MAGI2: variants seen among roughly 807,000 people sequenced by gnomAD.
MAGI2 encodes membrane associated guanylate kinase, WW and PDZ domain containing 2, also known as membrane-associated guanylate kinase, WW and PDZ domain-containing protein 2.
MAGI2 carries 35 observed loss-of-function variants against 133.3 expected under a neutral mutation model. That is an observed-to-expected ratio of 0.26 (90% CI 0.20 to 0.35). The LOEUF (loss-of-function observed/expected upper bound fraction) is 0.35. Among genes scored for constraint, MAGI2 ranks in the 10% least tolerant of loss-of-function variants. The pLI is 1.00. For synonymous variants in MAGI2, 729 were observed against 710.6 expected, an observed-to-expected ratio of 1.03 and a Z score of -0.41; for missense variants, 1,636 against 1,863.4, an observed-to-expected ratio of 0.88 and a Z score of 2.25.
intron 1 of MAGI2, among the ~76,000 whole-genome samples, chr7:79,354,824 C>G (rs1841917392): frequency 6.6e-6 from 1 of 152,156 alleles, no homozygotes; most frequent in African/African-American, 2.4e-5. Context: ...ATAGCTTACT[C>G]ATGGGGAGAA....
At chr7:78,249,363 T>C (rs2150932264) in intron 10 of MAGI2, among the ~76,000 whole-genome samples, 1 of 152,286 alleles carries the variant, frequency 6.6e-6, no homozygotes, top group East Asian at 1.9e-4. Context: ...ACTGGGTATA[T>C]ATCTGAAGAA....
chr7:79,153,794 T>TA (rs1823503755), intron 1 of MAGI2, among the ~76,000 whole-genome samples: 1 of 152,174 alleles, frequency 6.6e-6, no homozygotes, highest in Non-Finnish European at 1.5e-5. Flanking sequence ...CAGATGGGTT[T>TA]ATGCAAAGCA....
chr7:78,523,346 C>T (rs1796673048), intron 3 of MAGI2, among the ~76,000 whole-genome samples: 1 of 151,742 alleles, frequency 6.6e-6, no homozygotes, highest in Non-Finnish European at 1.5e-5. Context: ...GAGATAATTG[C>T]CCGACGCCCG....
At chr7:79,027,359 A>G (rs978621125) in intron 1 of MAGI2, among the ~76,000 whole-genome samples, 3 of 150,836 alleles carry the variant, frequency 2.0e-5, no homozygotes, top group African/African-American at 7.3e-5. Flanking sequence ...ATTAAATACA[A>G]TACCACCCAG....
intron 1 of MAGI2, among the ~76,000 whole-genome samples, chr7:79,307,049 T>A (rs76504239): frequency 0.031 from 4,792 of 152,220 alleles, 107 homozygotes; most frequent in African/African-American, 0.051. Context: ...CCAGGATGAA[T>A]TTATCCTGAA....
intron 2 of MAGI2, among the ~76,000 whole-genome samples, chr7:78,832,207 G>T (rs975781384): frequency 1.3e-5 from 2 of 151,240 alleles, no homozygotes; most frequent in African/African-American, 4.9e-5. Context: ...CTTACAGATA[G>T]AAATTCTAAG....
chr7:78,992,427 T>C (rs1805880356), intron 2 of MAGI2, among the ~76,000 whole-genome samples: 1 of 152,032 alleles, frequency 6.6e-6, no homozygotes, highest in Non-Finnish European at 1.5e-5. Flanking sequence ...ACATTTTTAA[T>C]CTCTTTAAAT....
chr7:78,649,242 A>AAAAAAAAAAAAAG, intron 2 of MAGI2, among the ~76,000 whole-genome samples: 1 of 149,550 alleles, frequency 6.7e-6, no homozygotes, highest in Non-Finnish European at 1.5e-5. Flanking sequence ...AAAAGAAAAA[A>AAAAAAAAAAAAAG]AAAGAAAAAA....
chr7:78,094,583 T>C (rs950257532), intron 20 of MAGI2, among the ~76,000 whole-genome samples: 25 of 152,198 alleles, frequency 1.6e-4, no homozygotes, highest in African/African-American at 5.6e-4. Context: ...ACAAAAACAA[T>C]TCCACTGGCC....
At chr7:79,214,449 G>GCA (rs1455909636) in intron 1 of MAGI2, among the ~76,000 whole-genome samples, 2 of 40,264 alleles carry the variant, frequency 5.0e-5, no homozygotes, top group African/African-American at 1.9e-4. Flanking sequence ...ATATAAATAT[G>GCA]CACACACACA....
At position 78,933,083 on chromosome 7, in the gene MAGI2, A is replaced by G. The variant is rs565832122; in HGVS notation, c.418+74007T>C. ...ACAAAAAGGCATGGATCAAAAAGGG[A>G]TATGTTTTTTGTTTGGGTTCCCAAT... On this transcript the variant is annotated intron_variant, in intron 2 of 21. Transcript: ENST00000354212. 6.8e-4 allele frequency among the ~76,000 whole-genome samples: 104 copies of G among 152,134 alleles called. 1 individual carries two copies. The highest frequency in any genetic ancestry group is 1.2e-3 in the Non-Finnish European group (79 of 67,968).
intron 10 of MAGI2, among the ~76,000 whole-genome samples, chr7:78,234,552 A>C (rs115356803): frequency 0.021 from 2,179 of 103,442 alleles, 56 homozygotes; most frequent in African/African-American, 0.057. Context: ...TATTCATTAT[A>C]ATATAATGAA....
At chr7:78,985,122 C>T (rs902128267) in intron 2 of MAGI2, among the ~76,000 whole-genome samples, 4 of 151,824 alleles carry the variant, frequency 2.6e-5, no homozygotes, top group African/African-American at 9.7e-5. Context: ...CTGCATTGGC[C>T]TCTCAAAGTG....
At chr7:78,795,437 A>G (rs1019547316) in intron 2 of MAGI2, among the ~76,000 whole-genome samples, 1 of 152,098 alleles carries the variant, frequency 6.6e-6, no homozygotes, top group African/African-American at 2.4e-5. Context: ...AGAAGAAATC[A>G]AGAAAGTAAT....
chr7:78,794,950 G>A lies in MAGI2; in HGVS notation c.419-167711C>T, dbSNP rs552330729. ...TCACTATGTTTGCCAGGCTGACCTTGAACTCTTGGGCTCAAGCGATTCTTC... is the reference window on the plus strand; with the variant it reads ...TCACTATGTTTGCCAGGCTGACCTTAAACTCTTGGGCTCAAGCGATTCTTC... On this transcript the variant is annotated intron_variant, in intron 2 of 21. Transcript: ENST00000354212. Among the ~76,000 whole-genome samples the A allele has an allele frequency of 3.3e-5, 5 of 152,198 alleles. No individual in the cohort carries two copies. In the East Asian group the frequency reaches 9.7e-4, roughly 29 times the overall value.
chr7:78,019,676 C>A lies in MAGI2; in HGVS notation c.4007G>T (p.Gly1336Val). Residue 1336 changes from glycine (G) to valine (V), a missense_variant, in exon 22 of 22, where the codon GGG (glycine) becomes GTG (valine). Physicochemically the swap from Gly to Val is moderately radical, Grantham distance 109. This residue lies in a region of MAGI2 where 354 missense variants were observed against 298.7 expected (regional missense o/e 1.19). Transcript: ENST00000354212. ...PRLEEAPGGQ[G>V]RPEAGRPASE... ...GGCGGGCCTGCCGGCCTCGGGCCGC[C>A]CCTGGCCGCCGGGCGCCTCCTCGAG... The A allele has an allele frequency of 6.9e-7, 1 of 1,441,106 alleles. No individual in the cohort carries two copies. Among genetic ancestry groups the A allele is most frequent in the South Asian group, 1.4e-5 (1 of 73,352 alleles). The allele number at this position is 1,441,106 out of a possible 1,614,324, so 89.3% of individuals were successfully genotyped here. A position where few individuals can be genotyped will look rare whatever the true frequency, so the allele number is the denominator to read the frequency against.
chr7:78,660,785 G>A (rs895921304), intron 2 of MAGI2, among the ~76,000 whole-genome samples: 1 of 152,070 alleles, frequency 6.6e-6, no homozygotes, highest in Non-Finnish European at 1.5e-5. Flanking sequence ...CACTGTAATT[G>A]TCTCTCTCCT....
At chr7:78,799,034 G>T (rs540296760) in intron 2 of MAGI2, among the ~76,000 whole-genome samples, 1 of 152,246 alleles carries the variant, frequency 6.6e-6, no homozygotes, top group Non-Finnish European at 1.5e-5. Context: ...TCAGTTTTGG[G>T]GCTATGAGAT....
chr7:78,958,789 G>T (rs533567015), intron 2 of MAGI2, among the ~76,000 whole-genome samples: 1 of 152,180 alleles, frequency 6.6e-6, no homozygotes, highest in East Asian at 1.9e-4. Context: ...GTAATCCACC[G>T]CAAAGCATGT....
Sources: gnomAD v4.1 joint callset for allele counts (sites outside exome capture counted in the v4.1 genomes callset) on GRCh38, gnomAD v4.1.1 for gene constraint, gnomAD v4.1.1 regional missense constraint, MANE v1.5 for transcripts, NCBI Gene and HGNC (gene_info 2026-07-23, HGNC 2026-07-21) for gene names.